MCM3: variants seen among roughly 807,000 people sequenced by gnomAD.
The protein encoded by MCM3 is DNA replication licensing factor MCM3.
Under a neutral mutation model 91.3 loss-of-function variants are expected in MCM3, and 59 were observed. The observed-to-expected ratio is 0.65, with a 90% CI of 0.52 to 0.80. MCM3 has a LOEUF of 0.80. MCM3 is among the 30% of genes least tolerant of loss of function. MCM3 has a pLI of 0.00. For synonymous variants in MCM3, 383 were observed against 379.6 expected (o/e 1.01, Z -0.10); for missense variants, 919 against 1,035.4 (o/e 0.89, Z 1.54).
chr6:52,264,341 T>G lies in MCM3; in HGVS notation c.*247A>C, dbSNP rs1562368162. 1.5e-5 allele frequency: 7 copies of G among 482,112 alleles called. No individual in the cohort carries two copies. Among genetic ancestry groups the G allele is most frequent in the Non-Finnish European group, 2.3e-5 (6 of 264,448 alleles). 29.9% of individuals were successfully genotyped at this position (482,112 alleles called of 1,614,324 possible). On this transcript the variant is annotated 3_prime_UTR_variant, in exon 17 of 17. Coordinates refer to ENST00000596288, the MANE Select transcript of MCM3 (RefSeq NM_002388.6). The stretch of plus-strand genomic sequence containing the variant: ...AGTAGGGCGGATGAGCCAGTGCTTT[T>G]GCAATGAAGATGCAATAGTCATTGT...
At chr6:52,278,956 G>C in intron 5 of MCM3, 106 bp from the exon 6 acceptor site, 1 of 687,450 alleles carries the variant, frequency 1.5e-6, no homozygotes, top group Non-Finnish European at 2.4e-6. Flanking sequence ...AACTAGACCA[G>C]CCAATTAGAG....
chr6:52,280,471 C>G (rs963503453), intron 4 of MCM3, among the ~76,000 whole-genome samples: 3 of 152,220 alleles, frequency 2.0e-5, no homozygotes, highest in Non-Finnish European at 4.4e-5. Context: ...TATTTTCACA[C>G]GTCATGCACA....
intron 7 of MCM3, 75 bp downstream of exon 7, chr6:52,277,460 A>G (rs1398503151): frequency 7.0e-7 from 1 of 1,427,594 alleles, no homozygotes; most frequent in Admixed American, 2.1e-5. Context: ...TACAGAATAT[A>G]CAATCTTACA....
Position 52,264,592 on chromosome 6 carries a change from A to G in MCM3, c.2423T>C (p.Ile808Thr), listed in dbSNP as rs1581698284. Residue 808 changes from isoleucine to threonine, a missense_variant, in exon 17 of 17, where the codon ATC becomes ACC. By Grantham distance (89) the Ile-to-Thr change is moderately conservative. This residue lies in a region of MCM3 where 285 missense variants were observed against 311.4 expected (regional missense o/e 0.92). Transcript: ENST00000596288. ...AAGTTCAGAGACGAGGCCTCCTCAG[A>G]TGAGGAAGATGATGCCCTCAGACAC... is the stretch of plus-strand genomic sequence containing the variant. ...VMVSEGIIFLI is the reference protein window; with the variant it reads ...VMVSEGIIFLT 2 of 1,613,900 alleles carry G rather than the reference A, an allele frequency of 1.2e-6. No individual in the cohort carries two copies. Among genetic ancestry groups the G allele is most frequent in the Non-Finnish European group, 1.7e-6 (2 of 1,179,770 alleles).
chr6:52,281,903 G>T, intron 4 of MCM3, 142 bp downstream of exon 4: 3 of 685,282 alleles, frequency 4.4e-6, no homozygotes, highest in Non-Finnish European at 6.7e-6. Flanking sequence ...ACTCTGGCCT[G>T]CAATCAATCT....
Position 52,264,543 on chromosome 6 carries a change from G to T in MCM3, c.*45C>A. ...GGTCAGGGAGAGGGTGGGAAACACA[G>T]AACAAACTCTCTCGGCACAACCCAA... On this transcript the variant is annotated 3_prime_UTR_variant, in exon 17 of 17. Transcript: ENST00000596288. 1 of 1,605,362 alleles carries T rather than the reference G, an allele frequency of 6.2e-7. No homozygotes were observed. The highest frequency in any genetic ancestry group is 8.5e-7 in the Non-Finnish European group (1 of 1,172,520).
intron 14 of MCM3, 21 bp from the exon 15 acceptor site, chr6:52,266,717 A>G (rs775573018): frequency 1.0e-5 from 16 of 1,589,264 alleles, no homozygotes; most frequent in Non-Finnish European, 1.4e-5. Flanking sequence ...CACAGCAGTT[A>G]AGAGAGAGAA....
At chr6:52,270,744 G>A (rs765385903) in intron 12 of MCM3, among the ~76,000 whole-genome samples, 24 of 152,144 alleles carry the variant, frequency 1.6e-4, no homozygotes, top group African/African-American at 5.3e-4. Context: ...CCAGAAGTTC[G>A]CATGTGGAAA....
intron 15 of MCM3, 85 bp from the exon 16 acceptor site, chr6:52,266,229 C>A (rs1764633851): frequency 3.0e-6 from 3 of 995,000 alleles, no homozygotes; most frequent in African/African-American, 1.6e-5. Flanking sequence ...CATCTCCACT[C>A]CCAATCTCTC....
chr6:52,276,561 TC>T (rs1765584758), intron 8 of MCM3, 85 bp from the exon 9 acceptor site: 2 of 1,179,664 alleles, frequency 1.7e-6, no homozygotes, highest in Non-Finnish European at 2.4e-6. Context: ...TTCCTAGGAA[TC>T]TCTCACTTTG....
chr6:52,283,834 C>G (rs1766383801), intron 1 of MCM3, among the ~76,000 whole-genome samples: 1 of 152,158 alleles, frequency 6.6e-6, no homozygotes. Flanking sequence ...AATCATTTCA[C>G]CATGTATATC....
At chr6:52,278,049 C>A (rs1264333965) in intron 6 of MCM3, among the ~76,000 whole-genome samples, 1 of 105,748 alleles carries the variant, frequency 9.5e-6, no homozygotes, top group Non-Finnish European at 1.7e-5. Flanking sequence ...GCCTCGGTCA[C>A]AGAGCAAGAT....
At chr6:52,265,389 C>T (rs76324157) in intron 16 of MCM3, 1 of 261,820 alleles carries the variant, frequency 3.8e-6, no homozygotes, top group Non-Finnish European at 7.7e-6. Context: ...CCCGTCTCTA[C>T]AAAAAGTAAA....
rs756241184 is a variant in MCM3 at position 52,277,073 on chromosome 6, C to G, written c.1159G>C (p.Glu387Gln). The G allele has an allele frequency of 7.4e-6, 12 of 1,613,880 alleles. No homozygotes were observed. Among genetic ancestry groups the G allele is most frequent in the Non-Finnish European group, 7.6e-6 (9 of 1,179,858 alleles). The change falls in exon 8 of 17, where the codon GAA becomes CAA. Residue 387 changes from glutamate to glutamine, a missense_variant. This residue lies in a region of MCM3 where 233 missense variants were observed against 321.2 expected (regional missense o/e 0.73). Coordinates refer to ENST00000596288, the MANE Select transcript of MCM3 (RefSeq NM_002388.6). ...AGGACCCTTACACCCTTACCTGTTT[C>G]CTGGTCTGTGGTGACAGCAGCCGTC... ...GLTAAVTTDQ[E>Q]TGERRLEAGA... is the part of the protein sequence containing the mutation.
chr6:52,267,709 G>C (rs747656134), intron 14 of MCM3, among the ~76,000 whole-genome samples, 156 bp downstream of exon 14: 2 of 151,450 alleles, frequency 1.3e-5, no homozygotes, highest in South Asian at 2.1e-4. Context: ...TCTATTTTTT[G>C]TAGAGACAGT....
intron 14 of MCM3, among the ~76,000 whole-genome samples, chr6:52,267,305 CCA>C (rs1222855535): frequency 6.6e-6 from 1 of 151,842 alleles, no homozygotes; most frequent in East Asian, 1.9e-4. Context: ...TCACTGTTAG[CCA>C]GGATGGTCTT....
intron 13 of MCM3, 126 bp from the exon 14 acceptor site, chr6:52,268,094 C>A (rs1486316119): frequency 1.5e-5 from 19 of 1,299,762 alleles, no homozygotes; most frequent in Non-Finnish European, 2.1e-5. Context: ...GTTTACCTAG[C>A]TCCTCTTGTC....
At chr6:52,270,958 A>G (rs1443255540) in intron 12 of MCM3, among the ~76,000 whole-genome samples, 1 of 152,186 alleles carries the variant, frequency 6.6e-6, no homozygotes, top group Non-Finnish European at 1.5e-5. Context: ...CATGCCTATA[A>G]TCCCAGCACT....
At chr6:52,274,164 G>A (rs1463299572) in intron 9 of MCM3, among the ~76,000 whole-genome samples, 1 of 152,186 alleles carries the variant, frequency 6.6e-6, no homozygotes, top group East Asian at 1.9e-4. Context: ...CTAACAGGCT[G>A]AGTGTAGGTC....
Sources: allele counts gnomAD v4.1 joint callset (sites outside exome capture counted in the v4.1 genomes callset), GRCh38; gene constraint gnomAD v4.1.1; regional missense constraint gnomAD v4.1.1; transcripts MANE v1.5; gene names NCBI Gene and HGNC (gene_info 2026-07-23, HGNC 2026-07-21).